ERBB4: variants seen among roughly 807,000 people sequenced by gnomAD.
ERBB4 encodes erb-b2 receptor tyrosine kinase 4.
In ERBB4, 42 loss-of-function variants were observed where a neutral mutation model predicts 158.0. The observed-to-expected ratio is 0.27, with a 90% CI of 0.21 to 0.34. ERBB4 has a LOEUF of 0.34. Ranked by LOEUF, ERBB4 falls within the 10% of genes least tolerant of loss-of-function variation. The probability of loss-of-function intolerance (pLI) is 1.00; values close to 1 mark genes in which losing one functional copy is unlikely to be tolerated. For missense variants in ERBB4, 1,333 were observed against 1,624.1 expected (o/e 0.82, Z 3.08); for synonymous variants, 583 against 558.7 (o/e 1.04, Z -0.61).
At chr2:212,188,211 T>TCTCTCTCG (rs2082074694) in intron 1 of ERBB4, among the ~76,000 whole-genome samples, 1 of 29,730 alleles carries the variant, frequency 3.4e-5, no homozygotes, top group African/African-American at 1.3e-4. Context: ...TCTCTCTCTC[T>TCTCTCTCG]CTCTCTCTCT....
Position 212,286,604 on chromosome 2 carries a change from T to TTTTGTTTTGTTTTG in ERBB4, c.83-161702_83-161701insCAAAACAAAACAAA, listed in dbSNP as rs1194555276. On this transcript the variant is annotated intron_variant, in intron 1 of 27. Transcript: ENST00000342788. ...TTACATAAGTGCTGACTTTTTTTTT[T>TTTTGTTTTGTTTTG]TTTTTTTTTTTTTTTTGACACAGAG... Among the ~76,000 whole-genome samples, 1,241 of 129,580 alleles carry TTTTGTTTTGTTTTG rather than the reference T, an allele frequency of 9.6e-3. 64 individuals carry two copies. The highest frequency in any genetic ancestry group is 0.013 in the Non-Finnish European group (775 of 61,624). The allele number at this position is 129,580 out of a possible 152,430, so 85.0% of individuals were successfully genotyped here. A position where few individuals can be genotyped will look rare whatever the true frequency, so the allele number is the denominator to read the frequency against.
At chr2:212,491,125 G>A (rs1460771008) in intron 1 of ERBB4, among the ~76,000 whole-genome samples, 3 of 151,386 alleles carry the variant, frequency 2.0e-5, no homozygotes, top group Admixed American at 6.6e-5. Context: ...AAATCAAATG[G>A]ACTGAATGAT....
In ERBB4 at chr2:211,387,129, C is replaced by A. The variant is rs775252191; in HGVS notation, c.3205G>T (p.Gly1069Ter). ...ACTCCTTGTTCAGCAGCAAAACCTC[C>A]ATCTCGGTATACAAACTGGTTCTGT... Reference protein sequence around the residue: ...MSGNQFVYRDGGFAAEQGVSV... With the variant: ...MSGNQFVYRD The change falls in exon 27 of 28, where the codon GGA (glycine) becomes TGA (stop). Residue 1069 changes from glycine to a stop codon, truncating the protein, a stop_gained. Transcript: ENST00000342788. LOFTEE classifies it high-confidence loss of function. 5 of 1,613,664 alleles carry A rather than the reference C, an allele frequency of 3.1e-6. No homozygotes were observed. In the South Asian group the frequency reaches 5.5e-5, roughly 18 times the overall value.
intron 16 of ERBB4, among the ~76,000 whole-genome samples, chr2:211,644,516 T>A (rs78173088): frequency 8.2e-4 from 124 of 152,116 alleles, no homozygotes; most frequent in African/African-American, 2.7e-3. Flanking sequence ...CCAAGACAAC[T>A]TTATACTTTG....
chr2:212,389,803 T>C (rs555226628), intron 1 of ERBB4, among the ~76,000 whole-genome samples: 1 of 151,998 alleles, frequency 6.6e-6, no homozygotes. Context: ...CAGAGCTTCA[T>C]GTGATTGCTA....
chr2:211,906,183 C>T (rs2079387844), intron 3 of ERBB4, among the ~76,000 whole-genome samples: 1 of 152,030 alleles, frequency 6.6e-6, no homozygotes, highest in South Asian at 2.1e-4. Context: ...TCTAATAATC[C>T]AGGTTAGAAA....
At chr2:211,551,399 G>C (rs377034874) in intron 20 of ERBB4, among the ~76,000 whole-genome samples, 1 of 152,072 alleles carries the variant, frequency 6.6e-6, no homozygotes, top group East Asian at 1.9e-4. Context: ...AGGGTGTATT[G>C]TCATTAAAGG....
At chr2:212,011,485 T>C (rs2076385744) in intron 2 of ERBB4, among the ~76,000 whole-genome samples, 1 of 152,134 alleles carries the variant, frequency 6.6e-6, no homozygotes, top group Admixed American at 6.5e-5. Context: ...GTGCAGTGAC[T>C]CAGGCCTGTA....
chr2:211,735,436 T>A (rs1247341887), intron 5 of ERBB4, among the ~76,000 whole-genome samples: 1 of 152,288 alleles, frequency 6.6e-6, no homozygotes, highest in Admixed American at 6.5e-5. Context: ...AGAAGGTGCC[T>A]AAATGTAAAA....
intron 5 of ERBB4, among the ~76,000 whole-genome samples, chr2:211,744,133 A>T (rs2074884473): frequency 6.6e-6 from 1 of 152,190 alleles, no homozygotes; most frequent in Non-Finnish European, 1.5e-5. Flanking sequence ...TATGTTAGGA[A>T]AACATTTAAA....
At chr2:211,628,762 T>C (rs549640147) in intron 17 of ERBB4, among the ~76,000 whole-genome samples, 2 of 152,332 alleles carry the variant, frequency 1.3e-5, no homozygotes, top group Non-Finnish European at 2.9e-5. Context: ...TCCACAATGG[T>C]TGAACTAGTT....
At chr2:211,554,296 T>C (rs1238814985) in intron 20 of ERBB4, among the ~76,000 whole-genome samples, 2 of 152,202 alleles carry the variant, frequency 1.3e-5, no homozygotes, top group Non-Finnish European at 2.9e-5. Flanking sequence ...ATCTATAAAC[T>C]GGGGAAATAA....
At chr2:212,333,623 T>C (rs1174193793) in intron 1 of ERBB4, among the ~76,000 whole-genome samples, 2 of 151,124 alleles carry the variant, frequency 1.3e-5, no homozygotes, top group Non-Finnish European at 2.9e-5. Flanking sequence ...GAGCCCAGGA[T>C]ATTGAGGCTC....
chr2:211,384,103 A>C (rs748704976), intron 27 of ERBB4, 43 bp from the exon 28 acceptor site: 38 of 1,442,520 alleles, frequency 2.6e-5, no homozygotes, highest in Non-Finnish European at 3.6e-5. Flanking sequence ...AGTTTCTGGA[A>C]AATATTAATC....
rs141420620 is a variant in ERBB4, at chr2:211,386,829, C to T, written c.3481+24G>A. 4.1e-4 allele frequency: 655 copies of T among 1,611,960 alleles called. 4 individuals are homozygous for T. In the African/African-American group the frequency reaches 7.6e-3, roughly 19 times the overall value. On this transcript the variant is annotated intron_variant, in intron 27 of 27. Coordinates refer to ENST00000342788, the MANE Select transcript of ERBB4 (RefSeq NM_005235.3). ...ATGGAAGTGAACTTCGAATGGCGAT[C>T]GTTTCTGAATAATCAGTTCATACCT...
intron 1 of ERBB4, among the ~76,000 whole-genome samples, chr2:212,274,761 T>C (rs1310871241): frequency 6.6e-6 from 1 of 151,782 alleles, no homozygotes; most frequent in Non-Finnish European, 1.5e-5. Context: ...ATCTATGACA[T>C]ACTTAACTTT....
At chr2:211,804,842 CCTT>C (rs1252897351) in intron 3 of ERBB4, among the ~76,000 whole-genome samples, 1 of 152,104 alleles carries the variant, frequency 6.6e-6, no homozygotes, top group African/African-American at 2.4e-5. Context: ...TAGAGTGAAT[CCTT>C]CTAAATGAGC....
At chr2:211,852,785 C>A (rs566161820) in intron 3 of ERBB4, among the ~76,000 whole-genome samples, 100 of 151,798 alleles carry the variant, frequency 6.6e-4, no homozygotes, top group Non-Finnish European at 1.1e-3. Flanking sequence ...GTCCTTTGGG[C>A]TCCTACTACT....
At chr2:211,853,884 T>C (rs16847079) in intron 3 of ERBB4, among the ~76,000 whole-genome samples, 32,963 of 151,716 alleles carry the variant, frequency 0.22, 3,709 homozygotes, top group South Asian at 0.33. Flanking sequence ...TAAAAAGGAG[T>C]CATCACCAGA....
Sources: gnomAD v4.1 joint callset for allele counts (sites outside exome capture counted in the v4.1 genomes callset) on GRCh38, gnomAD v4.1.1 for gene constraint, MANE v1.5 for transcripts, NCBI Gene and HGNC (gene_info 2026-07-23, HGNC 2026-07-21) for gene names.